FLACC1: variants seen among roughly 807,000 people sequenced by gnomAD.
FLACC1 encodes flagellum associated containing coiled-coil domains 1, also known as flagellum-associated coiled-coil domain-containing protein 1.
In FLACC1, 66 loss-of-function variants were observed where a neutral mutation model predicts 62.8. The observed-to-expected ratio is 1.05, with a 90% CI of 0.86 to 1.29. FLACC1 has a LOEUF of 1.29. Ranked by LOEUF, FLACC1 falls within the 50% of genes most tolerant of loss-of-function variation. The probability of loss-of-function intolerance (pLI) is 0.00; values close to 1 mark genes in which losing one functional copy is unlikely to be tolerated. For missense variants in FLACC1, 452 were observed against 489.1 expected, an observed-to-expected ratio of 0.92 and a Z score of 0.71; for synonymous variants, 156 against 161.0, an observed-to-expected ratio of 0.97 and a Z score of 0.24.
intron 12 of FLACC1, among the ~76,000 whole-genome samples, chr2:201,294,050 A>T (rs1277267197): frequency 3.3e-5 from 5 of 152,234 alleles, no homozygotes; most frequent in African/African-American, 1.2e-4. Flanking sequence ...AACCAAAAAA[A>T]GTCCAGGACC....
chr2:201,320,379 G>A (rs1341397563), intron 9 of FLACC1, among the ~76,000 whole-genome samples: 2 of 152,250 alleles, frequency 1.3e-5, no homozygotes, highest in Non-Finnish European at 2.9e-5. Context: ...AGTGGACAGG[G>A]AGGGGCTTGG....
chr2:201,332,169 A>C (rs1950606993), intron 7 of FLACC1, among the ~76,000 whole-genome samples: 1 of 152,126 alleles, frequency 6.6e-6, no homozygotes, highest in South Asian at 2.1e-4. Flanking sequence ...GTAAAAAGTG[A>C]TGTTATGATT....
chr2:201,292,143 A>G (rs1032149002), intron 12 of FLACC1, among the ~76,000 whole-genome samples: 1 of 152,250 alleles, frequency 6.6e-6, no homozygotes, highest in African/African-American at 2.4e-5. Flanking sequence ...CGAGCAAGGC[A>G]GGCCAACAAT....
chr2:201,349,505 A>G (rs1270301562), intron 3 of FLACC1, among the ~76,000 whole-genome samples: 2 of 152,180 alleles, frequency 1.3e-5, no homozygotes, highest in South Asian at 2.1e-4. Context: ...CCACTAGAAT[A>G]TAAGTGCCAG....
intron 1 of FLACC1, among the ~76,000 whole-genome samples, chr2:201,352,804 T>A (rs1488457803): frequency 6.6e-6 from 1 of 152,152 alleles, no homozygotes; most frequent in East Asian, 1.9e-4. Context: ...AAAGCAGCTG[T>A]GATTAAATGA....
intron 1 of FLACC1, among the ~76,000 whole-genome samples, chr2:201,355,056 G>A (rs530691173): frequency 2.4e-4 from 37 of 152,310 alleles, no homozygotes; most frequent in Admixed American, 1.7e-3. Context: ...AGGCCAAGGC[G>A]AGAGGATCAC....
intron 12 of FLACC1, among the ~76,000 whole-genome samples, chr2:201,295,545 A>C (rs577499797): frequency 2.0e-5 from 3 of 152,348 alleles, no homozygotes; most frequent in Admixed American, 2.0e-4. Context: ...TTAGACCTAA[A>C]ACCATAAAAA....
chr2:201,361,176 CTCA>C (rs1455955366), upstream of FLACC1, among the ~76,000 whole-genome samples: 1 of 152,200 alleles, frequency 6.6e-6, no homozygotes, highest in African/African-American at 2.4e-5. Flanking sequence ...AAGATTCACT[CTCA>C]TCATTAACCA....
At chr2:201,288,804 T>G in intron 14 of FLACC1, 23 bp from the exon 15 acceptor site, 3 of 1,610,254 alleles carry the variant, frequency 1.9e-6, no homozygotes. Flanking sequence ...AGGAAAGATG[T>G]ATCAATGTCA....
At position 201,291,759 on chromosome 2, in the gene FLACC1, A is replaced by C. The variant is rs183127290; in HGVS notation, c.943-1974T>G. On this transcript the variant is annotated intron_variant, in intron 12 of 14. Transcript: ENST00000392257. The stretch of plus-strand genomic sequence containing the variant: ...AAGGAGAAAGTTCGAACTCATGGCC[A>C]AGAAGTTAAAAACCTTGAAAAAAGA... 5.0e-4 allele frequency among the ~76,000 whole-genome samples: 76 copies of C among 152,366 alleles called. No individual in the cohort carries two copies. The Middle Eastern group carries it at 0.014, about 27-fold the overall frequency.
At chr2:201,363,129 G>A in the FLACC1 span, among the ~76,000 whole-genome samples, 1 of 152,106 alleles carries the variant, frequency 6.6e-6, no homozygotes, top group East Asian at 1.9e-4. Flanking sequence ...TTGCTTGTCT[G>A]GACCAGCAGC....
At chr2:201,293,070 A>T (rs183259080) in intron 12 of FLACC1, among the ~76,000 whole-genome samples, 189 of 152,284 alleles carry the variant, frequency 1.2e-3, no homozygotes, top group Non-Finnish European at 1.1e-3. Context: ...CACAATAATA[A>T]TGGGAGACTT....
At position 201,289,826 on chromosome 2, in the gene FLACC1, CTATT is replaced by C. The variant is rs1559381268; in HGVS notation, c.943-45_943-42del. 3 of 1,614,012 alleles carry C rather than the reference CTATT, an allele frequency of 1.9e-6. No homozygotes were observed. In the South Asian group the frequency reaches 3.3e-5, roughly 18 times the overall value. ...CTGTTGCAGGACATCATGCCAATGTCTATTTATTTGGTCTCTTCTCCAGGGCACC... is the reference window on the plus strand; with the variant it reads ...CTGTTGCAGGACATCATGCCAATGTCTATTTGGTCTCTTCTCCAGGGCACC... On this transcript the variant is annotated intron_variant, in intron 12 of 14. Coordinates refer to ENST00000392257, the MANE Select transcript of FLACC1 (RefSeq NM_001127391.3).
At chr2:201,340,736 G>A (rs953984330) in intron 7 of FLACC1, among the ~76,000 whole-genome samples, 1 of 152,144 alleles carries the variant, frequency 6.6e-6, no homozygotes, top group Admixed American at 6.5e-5. Context: ...TATGTTTCAT[G>A]TTATTAGCAG....
At chr2:201,361,397 A>C (rs1951184898), upstream of FLACC1, among the ~76,000 whole-genome samples, 1 of 152,214 alleles carries the variant, frequency 6.6e-6, no homozygotes, top group African/African-American at 2.4e-5. Context: ...GATAGCATGA[A>C]TGCAAGATTT....
At chr2:201,320,003 T>A (rs1465522897) in intron 9 of FLACC1, among the ~76,000 whole-genome samples, 2 of 152,328 alleles carry the variant, frequency 1.3e-5, no homozygotes, top group South Asian at 4.1e-4. Flanking sequence ...ACCCCCACTG[T>A]GGACCCTGAA....
In FLACC1 at chr2:201,348,351, T is replaced by C. The variant is rs771491155; in HGVS notation, c.186-49A>G. Reference sequence around the variant, plus strand: ...AAAGCAACCAGACAGCAAAGAGAAGTTCAAAGCTTAGGAGCTGAACCCTGA... The same window carrying C: ...AAAGCAACCAGACAGCAAAGAGAAGCTCAAAGCTTAGGAGCTGAACCCTGA... On this transcript the variant is annotated intron_variant, in intron 3 of 14. Transcript: ENST00000392257. The C allele has an allele frequency of 2.5e-6, 4 of 1,597,014 alleles. No individual in the cohort carries two copies. In the South Asian group the frequency reaches 3.4e-5, roughly 13 times the overall value.
At chr2:201,344,756 TCTAAGG>T (rs1950879884) in intron 5 of FLACC1, among the ~76,000 whole-genome samples, 1 of 152,138 alleles carries the variant, frequency 6.6e-6, no homozygotes, top group African/African-American at 2.4e-5. Flanking sequence ...TGTTTCTGGG[TCTAAGG>T]CTGCCATGGT....
intron 12 of FLACC1, among the ~76,000 whole-genome samples, chr2:201,292,621 C>T (rs1169435351): frequency 6.6e-6 from 1 of 152,222 alleles, no homozygotes; most frequent in African/African-American, 2.4e-5. Context: ...CATCAACTAA[C>T]GAGCAAAATA....
Sources: allele counts gnomAD v4.1 joint callset (sites outside exome capture counted in the v4.1 genomes callset), GRCh38; gene constraint gnomAD v4.1.1; transcripts MANE v1.5; gene names NCBI Gene and HGNC (gene_info 2026-07-23, HGNC 2026-07-21).